SPATA17: variants seen among roughly 807,000 people sequenced by gnomAD.
The protein encoded by SPATA17 is spermatogenesis associated 17.
Under a neutral mutation model 62.2 loss-of-function variants are expected in SPATA17, and 53 were observed. That is an observed-to-expected ratio of 0.85 (90% CI 0.68 to 1.07). The LOEUF (loss-of-function observed/expected upper bound fraction) is 1.07, where lower values mean the gene tolerates loss of function less well. Among genes scored for constraint, SPATA17 ranks in the 50% least tolerant of loss-of-function variants. The pLI, the probability that SPATA17 is intolerant of heterozygous loss-of-function variation, is 0.00. For missense variants in SPATA17, 466 were observed against 425.5 expected, an observed-to-expected ratio of 1.10 and a Z score of -0.84; for synonymous variants, 146 against 146.8, an observed-to-expected ratio of 0.99 and a Z score of 0.04.
chr1:217,787,271 C>G lies in SPATA17; in HGVS notation c.872+4949C>G, dbSNP rs190764125. ...CACTCAGTGCATTTTACCAGACAAG[C>G]ACTAAAGAGATTCGATTATGCGATT... On this transcript the variant is annotated intron_variant, in intron 8 of 10. Transcript: ENST00000366933. 4.4e-4 allele frequency among the ~76,000 whole-genome samples: 67 copies of G among 152,252 alleles called. 1 individual carries two copies. In the East Asian group the frequency reaches 0.012, roughly 28 times the overall value.
rs188614870 is a variant in SPATA17, at chr1:217,860,227, T to A, written c.1006-2547T>A. Among the ~76,000 whole-genome samples the A allele has an allele frequency of 2.7e-3, 416 of 152,354 alleles. 1 individual carries two copies. The highest frequency in any genetic ancestry group is 4.4e-3 in the Non-Finnish European group (302 of 68,020). ...GATTTTCCAGCAATCTTTCTGTTACTGATTTCTAATTTAATTCCACTGTGG... is the reference window on the plus strand; with the variant it reads ...GATTTTCCAGCAATCTTTCTGTTACAGATTTCTAATTTAATTCCACTGTGG... On this transcript the variant is annotated intron_variant, in intron 9 of 10. Coordinates refer to ENST00000366933, the MANE Select transcript of SPATA17 (RefSeq NM_138796.4).
chr1:217,634,389 G>A (rs1669890283), intron 1 of SPATA17, among the ~76,000 whole-genome samples: 1 of 152,128 alleles, frequency 6.6e-6, no homozygotes, highest in Admixed American at 6.5e-5. Context: ...TTGGGTCAGA[G>A]ATGAAATCAT....
At chr1:217,740,281 T>C (rs1672600493) in intron 5 of SPATA17, among the ~76,000 whole-genome samples, 1 of 152,008 alleles carries the variant, frequency 6.6e-6, no homozygotes. Context: ...TTTAGCATAA[T>C]ATGAAATTGG....
At chr1:217,631,524 T>C in intron 1 of SPATA17, 78 bp downstream of exon 1, 1 of 1,382,020 alleles carries the variant, frequency 7.2e-7, no homozygotes, top group Non-Finnish European at 1.0e-6. Flanking sequence ...AGTTTCCAAT[T>C]AACGATTTAA....
At chr1:217,644,415 A>G (rs542282293) in intron 1 of SPATA17, among the ~76,000 whole-genome samples, 2 of 152,342 alleles carry the variant, frequency 1.3e-5, no homozygotes, top group South Asian at 2.1e-4. Context: ...TAATCATTTT[A>G]CACATCAACA....
chr1:217,859,543 G>A lies in SPATA17; in HGVS notation c.1006-3231G>A, dbSNP rs114368086. ...CCACCTCAGCTTCCTAAGTAGCTGG[G>A]ACTACAGGTGTACACCACAATACCC... On this transcript the variant is annotated intron_variant, in intron 9 of 10. Transcript: ENST00000366933. Among the ~76,000 whole-genome samples, 614 of 152,036 alleles carry A rather than the reference G, an allele frequency of 4.0e-3. 4 individuals are homozygous for A. The highest frequency in any genetic ancestry group is 0.014 in the African/African-American group (588 of 41,470).
At chr1:217,651,042 T>A in intron 2 of SPATA17, 55 bp from the exon 3 acceptor site, 1 of 1,350,030 alleles carries the variant, frequency 7.4e-7, no homozygotes, top group Non-Finnish European at 1.0e-6. Flanking sequence ...AACAAAGATT[T>A]AACTGACCTT....
At chr1:217,747,764 A>T (rs1039272518) in intron 6 of SPATA17, among the ~76,000 whole-genome samples, 1 of 152,110 alleles carries the variant, frequency 6.6e-6, no homozygotes, top group East Asian at 1.9e-4. Context: ...AATGGAAATA[A>T]TTTTCATGTC....
At chr1:217,780,533 A>G (rs1047819006) in intron 7 of SPATA17, among the ~76,000 whole-genome samples, 1 of 152,184 alleles carries the variant, frequency 6.6e-6, no homozygotes, top group African/African-American at 2.4e-5. Context: ...GAGTAAGCCT[A>G]CAAGTAGATA....
At chr1:217,738,245 C>T (rs1395398213) in intron 5 of SPATA17, among the ~76,000 whole-genome samples, 2 of 152,158 alleles carry the variant, frequency 1.3e-5, no homozygotes, top group African/African-American at 4.8e-5. Context: ...TTTTCTGTCT[C>T]CTATTTTCCA....
At chr1:217,719,046 T>G (rs2102932580) in intron 5 of SPATA17, among the ~76,000 whole-genome samples, 1 of 152,314 alleles carries the variant, frequency 6.6e-6, no homozygotes, top group African/African-American at 2.4e-5. Flanking sequence ...AAATCCCAAC[T>G]TGGCCAGCTG....
At chr1:217,686,435 A>G (rs2102908604) in intron 5 of SPATA17, among the ~76,000 whole-genome samples, 1 of 152,040 alleles carries the variant, frequency 6.6e-6, no homozygotes, top group Middle Eastern at 3.4e-3. Flanking sequence ...GTTTTAGTCC[A>G]TTTCTCATTA....
chr1:217,685,824 G>A (rs1473912380), intron 5 of SPATA17, among the ~76,000 whole-genome samples: 1 of 152,090 alleles, frequency 6.6e-6, no homozygotes, highest in Non-Finnish European at 1.5e-5. Context: ...TGCACTTTCA[G>A]TTATTCACAG....
At chr1:217,729,971 A>G (rs12759995) in intron 5 of SPATA17, among the ~76,000 whole-genome samples, 2 of 152,248 alleles carry the variant, frequency 1.3e-5, no homozygotes, top group African/African-American at 2.4e-5. Context: ...TCTTTCCACA[A>G]TGAATTTCAA....
chr1:217,714,053 A>C (rs1671938029), intron 5 of SPATA17, among the ~76,000 whole-genome samples: 1 of 152,166 alleles, frequency 6.6e-6, no homozygotes, highest in South Asian at 2.1e-4. Context: ...AGATTGGAAG[A>C]TAGAAGCCTA....
chr1:217,760,716 A>C (rs1231492649), intron 6 of SPATA17, among the ~76,000 whole-genome samples: 1 of 152,194 alleles, frequency 6.6e-6, no homozygotes, highest in East Asian at 1.9e-4. Context: ...CTTTAACAAA[A>C]GAAAATTTTC....
In SPATA17 at chr1:217,670,298, C is replaced by A. The variant is rs554910394; in HGVS notation, c.291+1215C>A. Among the ~76,000 whole-genome samples, 29 of 152,206 alleles carry A rather than the reference C, an allele frequency of 1.9e-4. No individual in the cohort carries two copies. The South Asian group carries it at 5.4e-3, about 28-fold the overall frequency. On this transcript the variant is annotated intron_variant, in intron 4 of 10. Coordinates refer to ENST00000366933, the MANE Select transcript of SPATA17 (RefSeq NM_138796.4). ...GCAGTTAATGCCCATTTAGCTATTTCCACTGATCACCAGGGGAGACTGTAG... is the reference window on the plus strand; with the variant it reads ...GCAGTTAATGCCCATTTAGCTATTTACACTGATCACCAGGGGAGACTGTAG...
chr1:217,682,907 A>G (rs1181190392), intron 4 of SPATA17, among the ~76,000 whole-genome samples: 1 of 152,118 alleles, frequency 6.6e-6, no homozygotes, highest in African/African-American at 2.4e-5. Context: ...TACAACCTTA[A>G]AGTGAGTTGG....
intron 9 of SPATA17, among the ~76,000 whole-genome samples, chr1:217,811,707 A>C (rs932408591): frequency 5.9e-5 from 9 of 151,644 alleles, no homozygotes; most frequent in Non-Finnish European, 1.2e-4. Context: ...AAAAAAAAAA[A>C]AAACTATGTC....
Sources: allele counts gnomAD v4.1 joint callset (sites outside exome capture counted in the v4.1 genomes callset), GRCh38; gene constraint gnomAD v4.1.1; transcripts MANE v1.5; gene names NCBI Gene and HGNC (gene_info 2026-07-23, HGNC 2026-07-21).